TXNRD3: variants seen among roughly 807,000 people sequenced by gnomAD.
TXNRD3 encodes TXNRD3 neighbor gene protein.
TXNRD3 carries 68 observed loss-of-function variants against 78.2 expected under a neutral mutation model. The ratio of observed to expected loss-of-function variants is 0.87; its 90% CI spans 0.72 to 1.06. The LOEUF (loss-of-function observed/expected upper bound fraction) is 1.06, where lower values mean the gene tolerates loss of function less well. TXNRD3 is among the 50% of genes least tolerant of loss of function. The pLI, the probability that TXNRD3 is intolerant of heterozygous loss-of-function variation, is 0.00. For synonymous variants in TXNRD3, 296 were observed against 300.1 expected (o/e 0.99, Z 0.14); for missense variants, 751 against 809.5 (o/e 0.93, Z 0.88).
At chr3:126,628,389 A>G (rs1938628953) in intron 10 of TXNRD3, among the ~76,000 whole-genome samples, 2 of 152,118 alleles carry the variant, frequency 1.3e-5, no homozygotes, top group South Asian at 4.1e-4. Context: ...GAAGAAACAA[A>G]CTGTTATTAT....
At chr3:126,653,744 G>A (rs1270507631) in intron 1 of TXNRD3, among the ~76,000 whole-genome samples, 11 of 152,178 alleles carry the variant, frequency 7.2e-5, no homozygotes, top group Admixed American at 4.6e-4. Flanking sequence ...TGGGAGTTAC[G>A]TGCAAGAATA....
rs192874225 is a variant in TXNRD3 at position 126,638,519 on chromosome 3, A to G, written c.712+3513T>C. The stretch of plus-strand genomic sequence containing the variant: ...GAGGCCAAGGTGGGTGGATCACCTG[A>G]GGTTGGAAGTTCAAGACCAGGCTGG... On this transcript the variant is annotated intron_variant, in intron 6 of 15. Coordinates refer to ENST00000524230, the MANE Select transcript of TXNRD3 (RefSeq NM_052883.3). 1.6e-3 allele frequency among the ~76,000 whole-genome samples: 236 copies of G among 152,208 alleles called. 2 individuals are homozygous for G. Among genetic ancestry groups the G allele is most frequent in the Non-Finnish European group, 9.9e-4 (67 of 68,020 alleles).
chr3:126,639,283 T>G (rs548651163), intron 6 of TXNRD3, among the ~76,000 whole-genome samples: 19 of 152,336 alleles, frequency 1.2e-4, no homozygotes, highest in African/African-American at 4.6e-4. Flanking sequence ...GCCCCAATCA[T>G]GCCCTTAAAA....
At chr3:126,609,140 C>T (rs904361306) in intron 14 of TXNRD3, 1 of 445,980 alleles carries the variant, frequency 2.2e-6, no homozygotes, top group South Asian at 1.6e-5. Flanking sequence ...AGCTGACCCA[C>T]CAAGATGGGA....
At chr3:126,644,114 T>G in intron 4 of TXNRD3, 61 bp from the exon 5 acceptor site, 1 of 1,492,030 alleles carries the variant, frequency 6.7e-7, no homozygotes, top group East Asian at 2.5e-5. Context: ...TGACACTCCC[T>G]CAATCTTTGT....
At chr3:126,621,933 A>T in intron 11 of TXNRD3, 35 bp from the exon 12 acceptor site, 1 of 1,461,692 alleles carries the variant, frequency 6.8e-7, no homozygotes, top group Non-Finnish European at 9.0e-7. Flanking sequence ...AATATATATT[A>T]CAACTCACTC....
At chr3:126,618,394 A>G (rs1938363366) in intron 12 of TXNRD3, among the ~76,000 whole-genome samples, 1 of 152,178 alleles carries the variant, frequency 6.6e-6, no homozygotes, top group Non-Finnish European at 1.5e-5. Flanking sequence ...GGAACAGAAC[A>G]GTGAACCCAG....
intron 13 of TXNRD3, among the ~76,000 whole-genome samples, chr3:126,613,560 T>G (rs555934344): frequency 2.0e-5 from 3 of 152,374 alleles, no homozygotes; most frequent in African/African-American, 7.2e-5. Flanking sequence ...TCCCCAATCA[T>G]GCACTGCATG....
chr3:126,629,289 G>A, intron 10 of TXNRD3, 90 bp downstream of exon 10: 2 of 941,858 alleles, frequency 2.1e-6, no homozygotes, highest in South Asian at 1.7e-5. Flanking sequence ...GTAAAAAAAT[G>A]TTAATCCTGG....
chr3:126,630,591 G>C (rs547595670), intron 9 of TXNRD3, 121 bp downstream of exon 9: 3 of 1,068,104 alleles, frequency 2.8e-6, no homozygotes, highest in Non-Finnish European at 4.0e-6. Flanking sequence ...CTGTAGACTT[G>C]GGAGTGGAAA....
chr3:126,650,292 G>A (rs1269637276), intron 1 of TXNRD3, among the ~76,000 whole-genome samples: 1 of 152,220 alleles, frequency 6.6e-6, no homozygotes, highest in Non-Finnish European at 1.5e-5. Flanking sequence ...CTGCTCACAA[G>A]CGTGAGATGA....
At chr3:126,610,014 G>A (rs561495159) in intron 14 of TXNRD3, among the ~76,000 whole-genome samples, 1 of 152,194 alleles carries the variant, frequency 6.6e-6, no homozygotes, top group South Asian at 2.1e-4. Flanking sequence ...GAGCACAGCT[G>A]TGAACCTGCC....
At chr3:126,643,950 C>T in intron 5 of TXNRD3, 31 bp downstream of exon 5, 1 of 1,522,434 alleles carries the variant, frequency 6.6e-7, no homozygotes, top group South Asian at 1.2e-5. Flanking sequence ...ATGTAAAGAG[C>T]AGAGAGGAAC....
chr3:126,632,407 C>T (rs1347699249), intron 7 of TXNRD3, among the ~76,000 whole-genome samples: 1 of 151,872 alleles, frequency 6.6e-6, no homozygotes, highest in Non-Finnish European at 1.5e-5. Flanking sequence ...TAAAAAAATT[C>T]AAATACTTTG....
intron 10 of TXNRD3, among the ~76,000 whole-genome samples, chr3:126,626,762 C>T (rs1382157509): frequency 6.6e-6 from 1 of 152,140 alleles, no homozygotes; most frequent in Non-Finnish European, 1.5e-5. Context: ...CATGATCAAG[C>T]AATTTCACTC....
intron 11 of TXNRD3, 72 bp downstream of exon 11, chr3:126,622,372 TATCTCAGTAATTAAATGAGA>T: frequency 1.2e-6 from 1 of 824,024 alleles, no homozygotes; most frequent in Non-Finnish European, 1.8e-6. Context: ...AATTAAGACA[TATCTCAGTAATTAAATGAGA>T]ATTTCTTAGA....
rs72972816 is a variant in TXNRD3, at chr3:126,646,139, T to C, written c.386A>G (p.His129Arg). Residue 129 changes from histidine (H) to arginine (R), a missense_variant, in exon 3 of 16, where the codon CAT becomes CGT. By Grantham distance (29) the His-to-Arg change is conservative (BLOSUM62 0). Transcript: ENST00000524230. ...GAAAGTTTGGTCACATCCACCTACATGCACTTTATTCACGAAAATATTGGG... is the reference window on the plus strand; with the variant it reads ...GAAAGTTTGGTCACATCCACCTACACGCACTTTATTCACGAAAATATTGGG... 2.2e-3 allele frequency: 3,328 copies of C among 1,533,402 alleles called. 58 individuals are homozygous for C. The African/African-American group carries it at 0.039, about 18-fold the overall frequency. 95.0% of individuals were successfully genotyped at this position (1,533,402 alleles called of 1,614,324 possible).
At chr3:126,633,887 A>C in intron 7 of TXNRD3, 22 bp downstream of exon 7, 1 of 1,457,778 alleles carries the variant, frequency 6.9e-7, no homozygotes, top group Non-Finnish European at 9.0e-7. Flanking sequence ...GAGATGAACA[A>C]GACAAGAAAC....
chr3:126,635,707 G>T (rs528507518), intron 6 of TXNRD3, among the ~76,000 whole-genome samples: 66 of 152,170 alleles, frequency 4.3e-4, no homozygotes, highest in African/African-American at 1.6e-3. Flanking sequence ...CTCTATAAAA[G>T]CATAGTAAAT....
Sources: allele counts gnomAD v4.1 joint callset (sites outside exome capture counted in the v4.1 genomes callset), GRCh38; gene constraint gnomAD v4.1.1; transcripts MANE v1.5; gene names NCBI Gene and HGNC (gene_info 2026-07-23, HGNC 2026-07-21).